Variants in DLG2 observed in about 807,000 individuals in gnomAD.
The protein encoded by DLG2 is disks large homolog 2.
Under a neutral mutation model 132.5 loss-of-function variants are expected in DLG2, and 45 were observed. The ratio of observed to expected loss-of-function variants is 0.34; its 90% CI spans 0.27 to 0.44. DLG2 has a LOEUF of 0.44. Ranked by LOEUF, DLG2 falls within the 20% of genes least tolerant of loss-of-function variation. The probability of loss-of-function intolerance (pLI) is 1.00; values close to 1 mark genes in which losing one functional copy is unlikely to be tolerated. For missense variants in DLG2, 1,045 were observed against 1,196.9 expected, an observed-to-expected ratio of 0.87 and a Z score of 1.87; for synonymous variants, 424 against 419.6, an observed-to-expected ratio of 1.01 and a Z score of -0.13.
chr11:85,303,201 A>T (rs1352202680), intron 3 of DLG2, among the ~76,000 whole-genome samples: 1 of 152,222 alleles, frequency 6.6e-6, no homozygotes, highest in Non-Finnish European at 1.5e-5. Context: ...AAAATTGAAC[A>T]CAAGGAAGGT....
chr11:84,658,382 C>T (rs559456790), intron 6 of DLG2, among the ~76,000 whole-genome samples: 3 of 152,100 alleles, frequency 2.0e-5, no homozygotes, highest in East Asian at 1.9e-4. Flanking sequence ...AGTGTGATGG[C>T]GTTAGAAGGT....
intron 6 of DLG2, among the ~76,000 whole-genome samples, chr11:84,914,028 C>G: frequency 6.6e-6 from 1 of 152,116 alleles, no homozygotes; most frequent in Non-Finnish European, 1.5e-5. Flanking sequence ...GTAAGTACTC[C>G]TTGAAAAATG....
intron 6 of DLG2, among the ~76,000 whole-genome samples, chr11:84,595,727 A>G (rs897161479): frequency 4.6e-5 from 7 of 152,208 alleles, no homozygotes; most frequent in African/African-American, 1.2e-4. Flanking sequence ...AAAGCTTACT[A>G]TGATTCCTTT....
chr11:84,612,223 T>C (rs928437279), intron 6 of DLG2, among the ~76,000 whole-genome samples: 1 of 152,146 alleles, frequency 6.6e-6, no homozygotes, highest in Non-Finnish European at 1.5e-5. Flanking sequence ...ATACCTATTT[T>C]GAGATTGATT....
chr11:83,655,658 T>G (rs2072155016), intron 18 of DLG2, among the ~76,000 whole-genome samples: 1 of 152,222 alleles, frequency 6.6e-6, no homozygotes, highest in African/African-American at 2.4e-5. Flanking sequence ...TCATTTACAT[T>G]GTATTCCTTT....
At chr11:84,287,741 G>GACACACACACACACAC (rs373708341) in intron 7 of DLG2, among the ~76,000 whole-genome samples, 22 of 139,292 alleles carry the variant, frequency 1.6e-4, no homozygotes, top group East Asian at 4.2e-4. Flanking sequence ...CTCTCTCTTA[G>GACACACACACACACAC]ACACACACAC....
In DLG2 at chr11:83,477,675, C is replaced by T. The variant is rs563197398; in HGVS notation, c.2294-4898G>A. On this transcript the variant is annotated intron_variant, in intron 22 of 27. Transcript: ENST00000376104. ...TACAATTATTTAGCCATTTTGTTCCCAGAGTGGATATGGAATGGTAAAGTA... is the reference window on the plus strand; with the variant it reads ...TACAATTATTTAGCCATTTTGTTCCTAGAGTGGATATGGAATGGTAAAGTA... Among the ~76,000 whole-genome samples, 7 of 152,012 alleles carry T rather than the reference C, an allele frequency of 4.6e-5. No homozygotes were observed. The South Asian group carries it at 1.5e-3, about 32-fold the overall frequency.
chr11:84,761,640 C>A (rs934405087), intron 6 of DLG2, among the ~76,000 whole-genome samples: 4 of 152,196 alleles, frequency 2.6e-5, no homozygotes, highest in Admixed American at 2.6e-4. Context: ...GAACATCAGA[C>A]TCCAAGTTCT....
chr11:84,057,720 C>T, intron 11 of DLG2, among the ~76,000 whole-genome samples: 1 of 152,098 alleles, frequency 6.6e-6, no homozygotes, highest in Non-Finnish European at 1.5e-5. Flanking sequence ...TCAGTTTGTG[C>T]CAGGCCTTAT....
intron 15 of DLG2, among the ~76,000 whole-genome samples, chr11:83,877,566 G>A (rs1433061521): frequency 6.6e-6 from 1 of 151,968 alleles, no homozygotes; most frequent in African/African-American, 2.4e-5. Context: ...CCTCTTTAAA[G>A]TTTTAGCGAC....
At chr11:85,466,281 G>A (rs1392265296) in intron 3 of DLG2, among the ~76,000 whole-genome samples, 4 of 152,164 alleles carry the variant, frequency 2.6e-5, no homozygotes, top group Non-Finnish European at 5.9e-5. Flanking sequence ...TCTGATGGTA[G>A]TTTCTTTTGC....
chr11:83,587,748 A>G (rs511355), intron 19 of DLG2, among the ~76,000 whole-genome samples: 71,202 of 151,614 alleles, frequency 0.47, 17,243 homozygotes, highest in Admixed American at 0.57. Context: ...TCTCACTAGG[A>G]AGTGCCAGAC....
chr11:85,358,501 T>A (rs149777216), intron 3 of DLG2, among the ~76,000 whole-genome samples: 60 of 152,320 alleles, frequency 3.9e-4, no homozygotes, highest in African/African-American at 1.4e-3. Flanking sequence ...CTAAAAATTA[T>A]TGCAATATTC....
intron 4 of DLG2, among the ~76,000 whole-genome samples, chr11:85,212,065 CT>C (rs540668968): frequency 4.2e-4 from 64 of 152,214 alleles, no homozygotes; most frequent in African/African-American, 1.5e-3. Flanking sequence ...TACACTCCCC[CT>C]CTATCCATCA....
At chr11:84,557,726 C>T (rs533647793) in intron 6 of DLG2, among the ~76,000 whole-genome samples, 8 of 151,576 alleles carry the variant, frequency 5.3e-5, no homozygotes, top group Non-Finnish European at 1.5e-5. Flanking sequence ...AATAACAAAA[C>T]TAACAATACT....
rs558987450 is a variant in DLG2 at position 85,586,705 on chromosome 11, G to A, written c.40+11952C>T. Among the ~76,000 whole-genome samples, 7 of 152,024 alleles carry A rather than the reference G, an allele frequency of 4.6e-5. No homozygotes were observed. In the South Asian group the frequency reaches 1.5e-3, roughly 32 times the overall value. On this transcript the variant is annotated intron_variant, in intron 3 of 27. Transcript: ENST00000376104. ...TTTTGTTTTGATTTCATTTGGTTCTGCTCTGATCTTTGTTACTTATTTTTT... is the reference window on the plus strand; with the variant it reads ...TTTTGTTTTGATTTCATTTGGTTCTACTCTGATCTTTGTTACTTATTTTTT...
chr11:83,805,355 CCA>C (rs1491202378), intron 17 of DLG2, among the ~76,000 whole-genome samples: 1 of 151,136 alleles, frequency 6.6e-6, no homozygotes, highest in African/African-American at 2.4e-5. Context: ...AGAGCTTCTC[CCA>C]TATATATATA....
chr11:85,102,805 A>G (rs979026803), intron 6 of DLG2, among the ~76,000 whole-genome samples: 16 of 151,982 alleles, frequency 1.1e-4, no homozygotes, highest in African/African-American at 3.6e-4. Flanking sequence ...AATAAAAGGC[A>G]TCCAGATTAA....
chr11:85,018,348 T>C (rs574941502), intron 6 of DLG2, among the ~76,000 whole-genome samples: 1 of 152,300 alleles, frequency 6.6e-6, no homozygotes, highest in Admixed American at 6.5e-5. Context: ...ACACTTTATA[T>C]GTACCTGGAA....
Sources: gnomAD v4.1 joint callset for allele counts (sites outside exome capture counted in the v4.1 genomes callset) on GRCh38, gnomAD v4.1.1 for gene constraint, MANE v1.5 for transcripts, NCBI Gene and HGNC (gene_info 2026-07-23, HGNC 2026-07-21) for gene names.